The following RHBDD1 variants were observed in gnomAD, a reference collection of about 807,000 sequenced individuals.
RHBDD1 encodes the protein rhomboid-related protein 4.
RHBDD1 carries 38 observed loss-of-function variants against 36.3 expected under a neutral mutation model. That is an observed-to-expected ratio of 1.05 (90% CI 0.81 to 1.37). RHBDD1 has a LOEUF of 1.37. Ranked by LOEUF, RHBDD1 falls within the 40% of genes most tolerant of loss-of-function variation. The probability of loss-of-function intolerance (pLI) is 0.00; values close to 1 mark genes in which losing one functional copy is unlikely to be tolerated. For synonymous variants in RHBDD1, 151 were observed against 136.5 expected (o/e 1.11, Z -0.74); for missense variants, 393 against 377.6 (o/e 1.04, Z -0.34).
chr2:226,897,068 C>T (rs770215961), intron 5 of RHBDD1, among the ~76,000 whole-genome samples: 22 of 152,116 alleles, frequency 1.4e-4, no homozygotes, highest in Admixed American at 7.9e-4. Context: ...CTCCCAAATG[C>T]TAGGTTTACA....
intron 8 of RHBDD1, among the ~76,000 whole-genome samples, chr2:226,924,938 G>A (rs533659444): frequency 5.9e-5 from 9 of 152,320 alleles, no homozygotes; most frequent in African/African-American, 2.2e-4. Flanking sequence ...TTTCAGTGTT[G>A]TGAAGTTAAA....
In RHBDD1 at chr2:226,914,205, T is replaced by C. The variant is rs757938509; in HGVS notation, c.713-3T>C. The C allele has an allele frequency of 1.7e-5, 27 of 1,613,312 alleles. No homozygotes were observed. In the East Asian group the frequency reaches 5.8e-4, roughly 35 times the overall value. ...TTCTAGAACCTTTTCCTTGTGCCTT[T>C]AGGCAGCTCTGGATATCAGGATTAT... On this transcript the variant is annotated splice_polypyrimidine_tract_variant and splice_region_variant and intron_variant, in intron 7 of 8. Transcript: ENST00000392062.
the RHBDD1 span, among the ~76,000 whole-genome samples, chr2:226,818,764 G>A: frequency 2.0e-5 from 3 of 151,864 alleles, no homozygotes; most frequent in Admixed American, 1.3e-4. Context: ...GCTTGAACCC[G>A]GGAGGTGGAG....
At chr2:226,893,331 G>A (rs1946842459) in intron 5 of RHBDD1, among the ~76,000 whole-genome samples, 1 of 152,200 alleles carries the variant, frequency 6.6e-6, no homozygotes. Flanking sequence ...TTGTGCAAAT[G>A]ATCATTGATG....
the RHBDD1 span, among the ~76,000 whole-genome samples, chr2:226,800,706 A>G: frequency 2.0e-5 from 3 of 152,328 alleles, no homozygotes; most frequent in East Asian, 5.8e-4. Context: ...GAGGGTTCAT[A>G]AGGCCAAAAC....
At chr2:226,941,577 G>C (rs1950670522) in intron 8 of RHBDD1, among the ~76,000 whole-genome samples, 1 of 152,208 alleles carries the variant, frequency 6.6e-6, no homozygotes, top group African/African-American at 2.4e-5. Context: ...GTAGTCCCAA[G>C]GTGGACCATG....
At chr2:226,836,439 G>GA (rs957168555) in intron 1 of RHBDD1, among the ~76,000 whole-genome samples, 3 of 152,244 alleles carry the variant, frequency 2.0e-5, no homozygotes, top group Non-Finnish European at 4.4e-5. Context: ...AGTTTGAAGT[G>GA]ACGTTGCATC....
At chr2:226,914,697 G>A (rs1186619214) in intron 8 of RHBDD1, 1 of 159,728 alleles carries the variant, frequency 6.3e-6, no homozygotes, top group African/African-American at 2.4e-5. Flanking sequence ...AGAAGGCTCA[G>A]TGTCACTAAG....
chr2:226,869,768 C>G (rs1266626715), intron 5 of RHBDD1, among the ~76,000 whole-genome samples: 1 of 152,194 alleles, frequency 6.6e-6, no homozygotes, highest in African/African-American at 2.4e-5. Context: ...TCTGTGTGTA[C>G]TTACTTCAGA....
intron 8 of RHBDD1, among the ~76,000 whole-genome samples, chr2:226,974,962 A>G (rs1400173035): frequency 6.6e-6 from 1 of 152,226 alleles, no homozygotes; most frequent in African/African-American, 2.4e-5. Context: ...GATGAGGCCT[A>G]GTTCCACTGC....
At chr2:226,891,843 C>G (rs1946714131) in intron 5 of RHBDD1, among the ~76,000 whole-genome samples, 1 of 152,210 alleles carries the variant, frequency 6.6e-6, no homozygotes, top group Admixed American at 6.5e-5. Context: ...TAAGAACTGG[C>G]AGGATGCTTG....
At chr2:226,919,961 AAT>A (rs139064630) in intron 8 of RHBDD1, among the ~76,000 whole-genome samples, 133 of 152,090 alleles carry the variant, frequency 8.7e-4, no homozygotes, top group African/African-American at 3.2e-3. Context: ...ATGAACACGG[AAT>A]ATGTTTCCAC....
rs142901379 is a variant in RHBDD1, at chr2:226,984,596, G to A, written c.857-10835G>A. On this transcript the variant is annotated intron_variant, in intron 8 of 8. Transcript: ENST00000392062. ...AAATATTGAGTCCATGACAGCCTTCGTGACCTCTCTGAGCCTAGGCGGACC... is the reference window on the plus strand; with the variant it reads ...AAATATTGAGTCCATGACAGCCTTCATGACCTCTCTGAGCCTAGGCGGACC... Among the ~76,000 whole-genome samples the A allele has an allele frequency of 5.1e-3, 772 of 152,284 alleles. 5 individuals carry two copies. Among genetic ancestry groups the A allele is most frequent in the African/African-American group, 0.017 (719 of 41,556 alleles).
At chr2:226,863,987 G>T (rs1022590506) in intron 3 of RHBDD1, among the ~76,000 whole-genome samples, 9 of 152,230 alleles carry the variant, frequency 5.9e-5, no homozygotes, top group African/African-American at 2.2e-4. Context: ...TTTCTTGGTG[G>T]AAAGTGAGCC....
intron 7 of RHBDD1, among the ~76,000 whole-genome samples, chr2:226,912,700 G>T (rs1260852654): frequency 6.6e-6 from 1 of 152,136 alleles, no homozygotes; most frequent in African/African-American, 2.4e-5. Context: ...TAGAGCTGGA[G>T]AAGGGATGGG....
chr2:226,850,969 C>T (rs1047371086), intron 3 of RHBDD1, among the ~76,000 whole-genome samples: 2 of 152,124 alleles, frequency 1.3e-5, no homozygotes, highest in South Asian at 2.1e-4. Flanking sequence ...GGGGTTGAAG[C>T]ATTGTCTCCT....
intron 8 of RHBDD1, among the ~76,000 whole-genome samples, chr2:226,968,092 T>C (rs1011296061): frequency 2.0e-5 from 3 of 152,198 alleles, no homozygotes; most frequent in African/African-American, 7.2e-5. Flanking sequence ...AGCAAATATT[T>C]AGTGCTGTGT....
chr2:226,857,154 T>C (rs1472288803), intron 3 of RHBDD1, among the ~76,000 whole-genome samples: 1 of 152,042 alleles, frequency 6.6e-6, no homozygotes, highest in East Asian at 1.9e-4. Flanking sequence ...CCTGTGAACA[T>C]GTGTGTGTTT....
At chr2:226,840,128 G>A (rs1208675039) in intron 3 of RHBDD1, among the ~76,000 whole-genome samples, 2 of 152,192 alleles carry the variant, frequency 1.3e-5, no homozygotes, top group South Asian at 4.1e-4. Flanking sequence ...ACACATTGAA[G>A]AGGGTTTCCT....
Sources: gnomAD v4.1 joint callset for allele counts (sites outside exome capture counted in the v4.1 genomes callset) on GRCh38, gnomAD v4.1.1 for gene constraint, MANE v1.5 for transcripts, NCBI Gene and HGNC (gene_info 2026-07-23, HGNC 2026-07-21) for gene names.